DCC: variants seen among roughly 807,000 people sequenced by gnomAD.
The protein encoded by DCC is DCC netrin 1 receptor.
DCC carries 58 observed loss-of-function variants against 172.5 expected under a neutral mutation model. The observed-to-expected ratio is 0.34, with a 90% CI of 0.27 to 0.42. The LOEUF (loss-of-function observed/expected upper bound fraction) is 0.42. Ranked by LOEUF, DCC falls within the 10% of genes least tolerant of loss-of-function variation. The pLI is 1.00. For synonymous variants in DCC, 709 were observed against 644.5 expected, an observed-to-expected ratio of 1.10 and a Z score of -1.52; for missense variants, 1,740 against 1,791.0, an observed-to-expected ratio of 0.97 and a Z score of 0.51.
At chr18:52,480,863 T>C (rs932465341) in intron 1 of DCC, among the ~76,000 whole-genome samples, 2 of 152,228 alleles carry the variant, frequency 1.3e-5, no homozygotes, top group South Asian at 4.2e-4. Flanking sequence ...TTTTCAACAA[T>C]CTAATTCTAA....
intron 1 of DCC, among the ~76,000 whole-genome samples, chr18:52,377,057 T>C (rs920556886): frequency 6.6e-6 from 1 of 152,188 alleles, no homozygotes; most frequent in African/African-American, 2.4e-5. Context: ...TAAAACCCTT[T>C]TGAGAAAAGC....
chr18:52,700,507 C>T (rs1186890742), intron 1 of DCC, among the ~76,000 whole-genome samples: 1 of 152,168 alleles, frequency 6.6e-6, no homozygotes, highest in African/African-American at 2.4e-5. Flanking sequence ...TCACTTTCTA[C>T]CTAAAATTGC....
At chr18:52,827,015 A>T (rs969825832) in intron 2 of DCC, among the ~76,000 whole-genome samples, 1 of 152,176 alleles carries the variant, frequency 6.6e-6, no homozygotes, top group African/African-American at 2.4e-5. Flanking sequence ...ATATGGGTGG[A>T]TGCACATAGG....
At chr18:52,888,909 C>G (rs183876139) in intron 2 of DCC, among the ~76,000 whole-genome samples, 1 of 151,912 alleles carries the variant, frequency 6.6e-6, no homozygotes, top group Admixed American at 6.6e-5. Context: ...ACACAGATAT[C>G]TATATATACA....
At chr18:53,012,398 T>C (rs748357380) in intron 5 of DCC, among the ~76,000 whole-genome samples, 8 of 151,988 alleles carry the variant, frequency 5.3e-5, no homozygotes, top group Non-Finnish European at 1.2e-4. Context: ...CTTAAAAACA[T>C]TCTGAGGGAA....
intron 21 of DCC, among the ~76,000 whole-genome samples, chr18:53,428,717 A>AATGTATAT (rs1568126495): frequency 2.6e-5 from 1 of 37,984 alleles, no homozygotes; most frequent in Non-Finnish European, 6.2e-5. Flanking sequence ...TATTATATAT[A>AATGTATAT]TTTATATATA....
intron 2 of DCC, among the ~76,000 whole-genome samples, chr18:52,793,123 C>T (rs747046429): frequency 1.3e-5 from 2 of 152,234 alleles, no homozygotes; most frequent in Admixed American, 1.3e-4. Flanking sequence ...TTATGTAGGA[C>T]CCACAGATTG....
chr18:53,352,400 A>G (rs998215904), intron 15 of DCC, among the ~76,000 whole-genome samples: 4 of 152,220 alleles, frequency 2.6e-5, no homozygotes, highest in South Asian at 4.1e-4. Flanking sequence ...TATCAGATGC[A>G]TAATTATTTA....
intron 1 of DCC, among the ~76,000 whole-genome samples, chr18:52,733,429 T>C (rs7236354): frequency 0.98 from 148,920 of 152,280 alleles, 72,894 homozygotes; most frequent in East Asian, 1. Context: ...AGCTGCATGT[T>C]AGTGTAACTA....
intron 2 of DCC, among the ~76,000 whole-genome samples, chr18:52,870,464 G>C (rs1213252026): frequency 6.6e-6 from 1 of 152,160 alleles, no homozygotes; most frequent in Non-Finnish European, 1.5e-5. Flanking sequence ...CTGTTGCTGT[G>C]AAACGAATGA....
chr18:52,350,122 A>G (rs1294683348), intron 1 of DCC, among the ~76,000 whole-genome samples: 1 of 152,206 alleles, frequency 6.6e-6, no homozygotes, highest in Non-Finnish European at 1.5e-5. Flanking sequence ...AGATAGTACA[A>G]TAGTTACTGA....
At chr18:52,385,327 G>A (rs1048155592) in intron 1 of DCC, among the ~76,000 whole-genome samples, 4 of 151,506 alleles carry the variant, frequency 2.6e-5, no homozygotes, top group Admixed American at 6.6e-5. Context: ...CCAGGCTGGA[G>A]TGCAGTGGCA....
chr18:52,428,620 T>C (rs889189283), intron 1 of DCC, among the ~76,000 whole-genome samples: 1 of 152,158 alleles, frequency 6.6e-6, no homozygotes, highest in African/African-American at 2.4e-5. Flanking sequence ...TAAATTATTA[T>C]TGTCATCATT....
chr18:52,880,771 A>C (rs1441415406), intron 2 of DCC, among the ~76,000 whole-genome samples: 1 of 152,162 alleles, frequency 6.6e-6, no homozygotes, highest in African/African-American at 2.4e-5. Flanking sequence ...GTTCTTGGAC[A>C]CTCAAGTTGC....
intron 1 of DCC, among the ~76,000 whole-genome samples, chr18:52,366,198 T>C (rs537703142): frequency 3.9e-5 from 6 of 152,294 alleles, no homozygotes; most frequent in African/African-American, 1.4e-4. Flanking sequence ...TACTAATGTG[T>C]CCGGAATTGG....
chr18:52,792,819 CATTCTATTCCATTCT>C, intron 2 of DCC, among the ~76,000 whole-genome samples: 1 of 147,532 alleles, frequency 6.8e-6, no homozygotes, highest in South Asian at 2.2e-4. Flanking sequence ...GATTCAATTC[CATTCTATTCCATTCT>C]ATTCCATTCC....
chr18:53,010,507 A>G (rs928323245), intron 5 of DCC, among the ~76,000 whole-genome samples: 21 of 151,768 alleles, frequency 1.4e-4, no homozygotes, highest in African/African-American at 4.8e-4. Context: ...AACAACGTTC[A>G]AAGTAGAATA....
chr18:52,455,664 G>A (rs1988434571), intron 1 of DCC, among the ~76,000 whole-genome samples: 1 of 152,168 alleles, frequency 6.6e-6, no homozygotes, highest in African/African-American at 2.4e-5. Flanking sequence ...CTACTTAGTA[G>A]CATTGTGATC....
intron 1 of DCC, among the ~76,000 whole-genome samples, chr18:52,746,378 G>C (rs980273356): frequency 6.6e-6 from 1 of 152,090 alleles, no homozygotes; most frequent in African/African-American, 2.4e-5. Context: ...AAATCTTGTA[G>C]GAGCTTTTTT....
Sources: gnomAD v4.1 joint callset for allele counts (sites outside exome capture counted in the v4.1 genomes callset) on GRCh38, gnomAD v4.1.1 for gene constraint, MANE v1.5 for transcripts, NCBI Gene and HGNC (gene_info 2026-07-23, HGNC 2026-07-21) for gene names.